Variants in RPRD1B observed in about 807,000 individuals in gnomAD.
RPRD1B encodes regulation of nuclear pre-mRNA domain-containing protein 1B.
Under a neutral mutation model 41.5 loss-of-function variants are expected in RPRD1B, and 11 were observed. That is an observed-to-expected ratio of 0.27 (90% confidence interval 0.17 to 0.44). RPRD1B has a LOEUF of 0.44. Among genes scored for constraint, RPRD1B ranks in the 20% least tolerant of loss-of-function variants. The pLI is 1.00. For missense variants in RPRD1B, 248 were observed against 389.9 expected (o/e 0.64, Z 3.06); for synonymous variants, 158 against 155.6 (o/e 1.02, Z -0.12).
chr20:38,059,113 T>C (rs551094129), intron 4 of RPRD1B, among the ~76,000 whole-genome samples: 6 of 152,338 alleles, frequency 3.9e-5, no homozygotes, highest in African/African-American at 2.4e-5. Flanking sequence ...CTCCATTGTT[T>C]TGAATTGCCA....
chr20:38,089,990 G>A lies in RPRD1B; in HGVS notation c.*115G>A. The A allele has an allele frequency of 2.0e-6, 3 of 1,481,678 alleles. No individual in the cohort carries two copies. Among genetic ancestry groups the A allele is most frequent in the African/African-American group, 2.8e-5 (2 of 71,194 alleles). The allele number at this position is 1,481,678 out of a possible 1,614,324, so 91.8% of individuals were successfully genotyped here. A position where few individuals can be genotyped will look rare whatever the true frequency, so the allele number is the denominator to read the frequency against. ...ATCCCTTCTTCCGCCCAGCCCCCCA[G>A]CCTCAAGAAAGAACCTCAGACTCTG... On this transcript the variant is annotated 3_prime_UTR_variant, in exon 7 of 7. Coordinates refer to ENST00000373433, the MANE Select transcript of RPRD1B (RefSeq NM_021215.4).
At chr20:38,063,678 A>C (rs147193613) in intron 5 of RPRD1B, among the ~76,000 whole-genome samples, 1 of 152,140 alleles carries the variant, frequency 6.6e-6, no homozygotes, top group Non-Finnish European at 1.5e-5. Context: ...TAGAGAAGAC[A>C]TGGGACGGCT....
Position 38,040,534 on chromosome 20 carries a change from T to C in RPRD1B, c.251T>C (p.Val84Ala). ...GPEFTREFES[V>A]LVDAFSHVAR... Reference sequence around the variant, plus strand: ...GAATTCACTAGAGAATTTGAATCTGTCCTTGTGGATGCTTTTTCTCATGTT... The same window carrying C: ...GAATTCACTAGAGAATTTGAATCTGCCCTTGTGGATGCTTTTTCTCATGTT... The change falls in exon 2 of 7, where the codon GTC becomes GCC. Residue 84 changes from valine to alanine, a missense_variant. Val to Ala is a moderately conservative substitution (Grantham distance 64). Coordinates refer to ENST00000373433, the MANE Select transcript of RPRD1B (RefSeq NM_021215.4). 1 of 1,607,054 alleles carries C rather than the reference T, an allele frequency of 6.2e-7. No individual in the cohort carries two copies. The highest frequency in any genetic ancestry group is 1.1e-5 in the South Asian group (1 of 89,158).
intron 6 of RPRD1B, among the ~76,000 whole-genome samples, chr20:38,078,110 A>G (rs557338850): frequency 7.3e-4 from 110 of 151,574 alleles, no homozygotes; most frequent in African/African-American, 2.5e-3. Context: ...GAAGGCTGCA[A>G]TGAGCCATGA....
intron 2 of RPRD1B, among the ~76,000 whole-genome samples, chr20:38,047,803 C>T (rs1248710189): frequency 6.6e-6 from 1 of 152,090 alleles, no homozygotes; most frequent in Non-Finnish European, 1.5e-5. Context: ...TGAACCTGGA[C>T]TATGGACTTA....
intron 5 of RPRD1B, among the ~76,000 whole-genome samples, chr20:38,061,699 C>A (rs1409613042): frequency 6.6e-6 from 1 of 152,224 alleles, no homozygotes; most frequent in Non-Finnish European, 1.5e-5. Context: ...CTCTCTACTT[C>A]CCGTCCTCCC....
chr20:38,040,608 TTCCC>T, intron 2 of RPRD1B, 44 bp downstream of exon 2: 1 of 1,574,070 alleles, frequency 6.4e-7, no homozygotes, highest in Non-Finnish European at 8.6e-7. Context: ...TTCATTGCCT[TTCCC>T]ACCTTTTTGT....
chr20:38,062,840 T>TCCCCC, intron 5 of RPRD1B, among the ~76,000 whole-genome samples: 1 of 30,986 alleles, frequency 3.2e-5, no homozygotes, highest in Admixed American at 3.7e-4. Flanking sequence ...CCCCCCCCCT[T>TCCCCC]TTTTTTTTTT....
In RPRD1B at chr20:38,066,312, A is replaced by G. The variant is rs143728360; in HGVS notation, c.831+56A>G. ...CCACGTTTCCCTTCCTGTAGCCCACATTAGGAGGTTTTTATTATGCTTTAA... is the reference window on the plus strand; with the variant it reads ...CCACGTTTCCCTTCCTGTAGCCCACGTTAGGAGGTTTTTATTATGCTTTAA... On this transcript the variant is annotated intron_variant, in intron 6 of 6. Coordinates refer to ENST00000373433, the MANE Select transcript of RPRD1B (RefSeq NM_021215.4). 1.1e-4 allele frequency: 169 copies of G among 1,511,196 alleles called. 1 individual carries two copies. The African/African-American group carries it at 2.2e-3, about 20-fold the overall frequency. The allele number at this position is 1,511,196 out of a possible 1,614,324, so 93.6% of individuals were successfully genotyped here.
At chr20:38,043,820 T>C (rs981155502) in intron 2 of RPRD1B, among the ~76,000 whole-genome samples, 3 of 152,108 alleles carry the variant, frequency 2.0e-5, no homozygotes, top group Non-Finnish European at 2.9e-5. Flanking sequence ...GAAGTGAAGA[T>C]TGGGGAAAAG....
At chr20:38,086,614 C>G (rs776010698) in intron 6 of RPRD1B, among the ~76,000 whole-genome samples, 25 of 152,170 alleles carry the variant, frequency 1.6e-4, no homozygotes, top group Non-Finnish European at 2.8e-4. Flanking sequence ...GGATTAAAGG[C>G]GTGAGCCACC....
chr20:38,041,034 T>C (rs979091901), intron 2 of RPRD1B, among the ~76,000 whole-genome samples: 1 of 152,224 alleles, frequency 6.6e-6, no homozygotes, highest in Non-Finnish European at 1.5e-5. Context: ...ATAGTAATTA[T>C]TAGTGTAGAA....
At chr20:38,073,490 C>G (rs1285688272) in intron 6 of RPRD1B, among the ~76,000 whole-genome samples, 1 of 152,176 alleles carries the variant, frequency 6.6e-6, no homozygotes, top group African/African-American at 2.4e-5. Context: ...CTTCATATTT[C>G]TGTTTGATTG....
rs145425978 is a variant in RPRD1B, at chr20:38,036,567, C to T, written c.151+2469C>T. ...GTTTATTTGCAACACCACAGGATAT[C>T]GCGTGGTGCCTGTTATATAGTTTAA... On this transcript the variant is annotated intron_variant, in intron 1 of 6. Transcript: ENST00000373433. 7.1e-3 allele frequency among the ~76,000 whole-genome samples: 1,085 copies of T among 152,292 alleles called. 5 individuals carry two copies. The highest frequency in any genetic ancestry group is 0.021 in the African/African-American group (865 of 41,550).
rs1420185274 is a variant in RPRD1B, at chr20:38,090,168, A to G, written c.*293A>G. 9.2e-7 allele frequency: 1 copy of G among 1,089,802 alleles called. No individual in the cohort carries two copies. Among genetic ancestry groups the G allele is most frequent in the Non-Finnish European group, 1.1e-6 (1 of 895,956 alleles). The allele number at this position is 1,089,802 out of a possible 1,614,324, so 67.5% of individuals were successfully genotyped here. A position where few individuals can be genotyped will look rare whatever the true frequency, so the allele number is the denominator to read the frequency against. On this transcript the variant is annotated 3_prime_UTR_variant, in exon 7 of 7. Coordinates refer to ENST00000373433, the MANE Select transcript of RPRD1B (RefSeq NM_021215.4). ...GTTTTCCATTCTTAACTGTCTCCTT[A>G]TACCTAAGAAGTTATGAAAATCATG...
chr20:38,048,216 T>A, intron 2 of RPRD1B, 132 bp from the exon 3 acceptor site: 2 of 897,042 alleles, frequency 2.2e-6, no homozygotes, highest in Non-Finnish European at 3.2e-6. Flanking sequence ...TATTACAATA[T>A]GTACCTTATT....
chr20:38,065,586 G>C (rs1041681702), intron 5 of RPRD1B, among the ~76,000 whole-genome samples: 2 of 152,154 alleles, frequency 1.3e-5, no homozygotes, highest in Admixed American at 6.5e-5. Context: ...TTGTTATTCT[G>C]TATTTTTAAA....
rs373752076 is a variant in RPRD1B, at chr20:38,048,488, A to G, written c.415+7A>G. On this transcript the variant is annotated splice_region_variant and intron_variant, in intron 3 of 6. Transcript: ENST00000373433. ...AAGAGCCCTCCCCCCAAAGGTAGAA[A>G]CATCACCACATGTTTACAGCTCTTG... 13 of 1,597,776 alleles carry G rather than the reference A, an allele frequency of 8.1e-6. No homozygotes were observed. In the African/African-American group the frequency reaches 1.6e-4, roughly 20 times the overall value.
In RPRD1B at chr20:38,091,681, C is replaced by T; in HGVS notation, c.*1806C>T. On this transcript the variant is annotated 3_prime_UTR_variant, in exon 7 of 7. Coordinates refer to ENST00000373433, the MANE Select transcript of RPRD1B (RefSeq NM_021215.4). ...CTTTCTAGATGAGCGTGTTTTGGAGCAGGCCCATCTGGGACACTCTATGCT... is the reference window on the plus strand; with the variant it reads ...CTTTCTAGATGAGCGTGTTTTGGAGTAGGCCCATCTGGGACACTCTATGCT... 1.0e-6 allele frequency: 1 copy of T among 985,602 alleles called. No individual in the cohort carries two copies. The highest frequency in any genetic ancestry group is 1.2e-6 in the Non-Finnish European group (1 of 830,006). The allele number at this position is 985,602 out of a possible 1,614,324, so 61.1% of individuals were successfully genotyped here.
Sources: allele counts gnomAD v4.1 joint callset (sites outside exome capture counted in the v4.1 genomes callset), GRCh38; gene constraint gnomAD v4.1.1; transcripts MANE v1.5; gene names NCBI Gene and HGNC (gene_info 2026-07-23, HGNC 2026-07-21).